Variants in EHMT1 observed in about 807,000 individuals in gnomAD.
EHMT1 encodes histone-lysine N-methyltransferase EHMT1.
In EHMT1, 15 loss-of-function variants were observed where a neutral mutation model predicts 147.2. The observed-to-expected ratio is 0.10, with a 90% CI of 0.07 to 0.16. The LOEUF is 0.16. Ranked by LOEUF, EHMT1 falls within the 10% of genes least tolerant of loss-of-function variation. The probability of loss-of-function intolerance (pLI) is 1.00; values close to 1 mark genes in which losing one functional copy is unlikely to be tolerated. For missense variants in EHMT1, 1,587 were observed against 1,772.4 expected (o/e 0.90, Z 1.88); for synonymous variants, 795 against 709.6 (o/e 1.12, Z -1.91).
intron 1 of EHMT1, among the ~76,000 whole-genome samples, chr9:137,654,017 C>T (rs968722332): frequency 1.3e-5 from 2 of 152,136 alleles, no homozygotes; most frequent in Admixed American, 6.6e-5. Flanking sequence ...ATGGCTCTCC[C>T]GGTGTCCTAG....
Position 137,816,082 on chromosome 9 carries a change from C to T in EHMT1, c.3374+20C>T, listed in dbSNP as rs372675658. ...TCTCAGGTGAGAGGCAGCTTCCTGC[C>T]GGAGCCCCACATTCTGCTCGTATTA... On this transcript the variant is annotated intron_variant, in intron 23 of 26. Transcript: ENST00000460843. 1.8e-5 allele frequency: 28 copies of T among 1,594,742 alleles called. 1 individual carries two copies. In the Admixed American group the frequency reaches 2.9e-4, roughly 17 times the overall value.
At chr9:137,748,011 G>A (rs747750278) in intron 6 of EHMT1, 17 of 151,866 alleles carry the variant, frequency 1.1e-4, no homozygotes, top group African/African-American at 2.7e-4. Flanking sequence ...TTTACTCAAC[G>A]TTGTGTTTCT....
intron 1 of EHMT1, among the ~76,000 whole-genome samples, chr9:137,634,304 G>A (rs1406682443): frequency 6.6e-6 from 1 of 152,008 alleles, no homozygotes; most frequent in Non-Finnish European, 1.5e-5. Flanking sequence ...TCTTTGATCC[G>A]TTTTGACTTA....
intron 4 of EHMT1, among the ~76,000 whole-genome samples, chr9:137,739,196 C>A (rs554768982): frequency 4.6e-5 from 7 of 151,702 alleles, no homozygotes; most frequent in African/African-American, 1.7e-4. Flanking sequence ...ACGGTGAAAC[C>A]TCGTCTCTAC....
chr9:137,771,626 T>C (rs1950589265), intron 10 of EHMT1, among the ~76,000 whole-genome samples: 2 of 152,208 alleles, frequency 1.3e-5, no homozygotes, highest in Non-Finnish European at 2.9e-5. Flanking sequence ...GGCGAGCACC[T>C]TGCTGGACGA....
At chr9:137,736,624 C>T (rs886622812) in intron 4 of EHMT1, among the ~76,000 whole-genome samples, 4 of 152,260 alleles carry the variant, frequency 2.6e-5, no homozygotes, top group African/African-American at 7.2e-5. Context: ...GGCGCGATGG[C>T]GCACGCCTGT....
Position 137,776,636 on chromosome 9 carries a change from C to A in EHMT1, c.1810C>A (p.Gln604Lys). Residue 604 changes from glutamine (Q) to lysine (K), a missense_variant, in exon 12 of 27, where the codon CAG (glutamine) becomes AAG (lysine). By Grantham distance (53) the Gln-to-Lys change is moderately conservative. Transcript: ENST00000460843. This position sits in a 1 kb window ranked among gnomAD's most constrained non-coding sequence, Gnocchi z 4.4. ...TTTTTAGGGTAATTTTATGGAGTGT[C>A]AGCCCGAGAGCAGCATCTCTCACCG... is the stretch of plus-strand genomic sequence containing the variant. ...FCTAGNFMECQPESSISHRFH... is the reference protein window; with the variant it reads ...FCTAGNFMECKPESSISHRFH... 6.2e-7 allele frequency: 1 copy of A among 1,614,074 alleles called. No individual in the cohort carries two copies. Among genetic ancestry groups the A allele is most frequent in the Non-Finnish European group, 8.5e-7 (1 of 1,180,016 alleles).
At chr9:137,719,138 CTG>C (rs1945672163) in intron 3 of EHMT1, among the ~76,000 whole-genome samples, 1 of 152,184 alleles carries the variant, frequency 6.6e-6, no homozygotes, top group African/African-American at 2.4e-5. Context: ...TCTATAATCT[CTG>C]TTGTAAATTC....
intron 25 of EHMT1, among the ~76,000 whole-genome samples, chr9:137,825,725 T>G (rs571536992): frequency 6.6e-6 from 1 of 152,292 alleles, no homozygotes; most frequent in Admixed American, 6.5e-5. Flanking sequence ...AGTCACCTAT[T>G]AAGTGTAATG....
At chr9:137,802,126 G>A (rs1238863624) in intron 18 of EHMT1, among the ~76,000 whole-genome samples, 1 of 152,214 alleles carries the variant, frequency 6.6e-6, no homozygotes, top group East Asian at 1.9e-4. Flanking sequence ...TCAAAAGGGT[G>A]TTCACTAGAA....
intron 1 of EHMT1, among the ~76,000 whole-genome samples, chr9:137,693,206 GACTTGTTTTTGA>G (rs1021813206): frequency 6.6e-6 from 1 of 152,118 alleles, no homozygotes; most frequent in African/African-American, 2.4e-5. Context: ...AAGGGGACTG[GACTTGTTTTTGA>G]ACAGTTCAAG....
intron 1 of EHMT1, chr9:137,676,551 A>C (rs1941345312): frequency 6.6e-6 from 1 of 152,296 alleles, no homozygotes; most frequent in Non-Finnish European, 1.5e-5. Flanking sequence ...TTATCTGTAG[A>C]GACGGGGTCT....
intron 25 of EHMT1, among the ~76,000 whole-genome samples, chr9:137,831,930 A>T (rs1368205622): frequency 4.0e-5 from 6 of 151,346 alleles, no homozygotes; most frequent in Non-Finnish European, 1.5e-5. Flanking sequence ...CTCCCTCCAC[A>T]GGCTCCGCCT....
chr9:137,790,820 C>T (rs1163957393), intron 15 of EHMT1, 28 bp from the exon 16 acceptor site: 1 of 1,614,150 alleles, frequency 6.2e-7, no homozygotes, highest in South Asian at 1.1e-5. Context: ...CACAGCCCTC[C>T]CATACACCTG....
At chr9:137,654,314 A>G (rs1055514059) in intron 1 of EHMT1, among the ~76,000 whole-genome samples, 8 of 151,760 alleles carry the variant, frequency 5.3e-5, no homozygotes, top group Non-Finnish European at 1.2e-4. Flanking sequence ...CCGTGAGCTG[A>G]GTTTACACCA....
At chr9:137,697,210 G>C in intron 1 of EHMT1, 3 of 317,590 alleles carry the variant, frequency 9.4e-6, no homozygotes, top group South Asian at 6.7e-5. Context: ...GAACCTGGGA[G>C]GCAGAGGTTG....
At chr9:137,716,532 GTGGTGGTGTCATGGTGGGGGAGGAA>G in intron 2 of EHMT1, 69 bp from the exon 3 acceptor site, 2 of 1,075,056 alleles carry the variant, frequency 1.9e-6, no homozygotes, top group East Asian at 2.4e-5. Context: ...GGAGGAAGTT[GTGGTGGTGTCATGGTGGGGGAGGAA>G]GTGGTGGTGG....
At chr9:137,652,089 AG>A (rs1937901082) in intron 1 of EHMT1, among the ~76,000 whole-genome samples, 2 of 152,210 alleles carry the variant, frequency 1.3e-5, no homozygotes, top group Non-Finnish European at 2.9e-5. Context: ...AGTCTCAGGC[AG>A]GCCCTTCAGG....
chr9:137,744,411 C>T (rs1261720453), intron 6 of EHMT1, among the ~76,000 whole-genome samples: 1 of 152,124 alleles, frequency 6.6e-6, no homozygotes, highest in African/African-American at 2.4e-5. Flanking sequence ...ACTCAACCTC[C>T]TGGGCTCAAT....
Sources: gnomAD v4.1 joint callset for allele counts (sites outside exome capture counted in the v4.1 genomes callset) on GRCh38, gnomAD v4.1.1 for gene constraint, Gnocchi (gnomAD v3.1) non-coding constraint, MANE v1.5 for transcripts, NCBI Gene and HGNC (gene_info 2026-07-23, HGNC 2026-07-21) for gene names.